The following SLC5A10 variants were observed in gnomAD, a reference collection of about 807,000 sequenced individuals.
SLC5A10 encodes the protein solute carrier family 5 member 10.
In SLC5A10, 55 loss-of-function variants were observed where a neutral mutation model predicts 68.9. The ratio of observed to expected loss-of-function variants is 0.80; its 90% CI spans 0.64 to 1.00. The LOEUF (loss-of-function observed/expected upper bound fraction) is 1.00, where lower values mean the gene tolerates loss of function less well. Ranked by LOEUF, SLC5A10 falls within the 50% of genes least tolerant of loss-of-function variation. The pLI, the probability that SLC5A10 is intolerant of heterozygous loss-of-function variation, is 0.00. For missense variants in SLC5A10, 732 were observed against 819.3 expected, an observed-to-expected ratio of 0.89 and a Z score of 1.30; for synonymous variants, 344 against 344.8, an observed-to-expected ratio of 1.00 and a Z score of 0.02.
At chr17:18,963,219 G>C (rs1262423324) in intron 5 of SLC5A10, among the ~76,000 whole-genome samples, 1 of 152,154 alleles carries the variant, frequency 6.6e-6, no homozygotes, top group Non-Finnish European at 1.5e-5. Context: ...GAAGTGGGAG[G>C]ACCTTAGAAA....
Position 19,019,732 on chromosome 17 carries a change from T to C in SLC5A10, c.1430T>C (p.Ile477Thr), listed in dbSNP as rs2044221280. 2 of 1,611,618 alleles carry C rather than the reference T, an allele frequency of 1.2e-6. No individual in the cohort carries two copies. Among genetic ancestry groups the C allele is most frequent in the Admixed American group, 1.7e-5 (1 of 59,932 alleles). Residue 477 changes from isoleucine (I) to threonine (T), a missense_variant, in exon 13 of 15, where the codon ATA (isoleucine) becomes ACA (threonine). Physicochemically the swap from Ile to Thr is moderately conservative, Grantham distance 89 (BLOSUM62 -1). Transcript: ENST00000395645. ...CCCCAGGGGGCCTTCTGGGGCCTGA[T>C]AGCAGGGCTGGTGGTGGGGGCCACG... ...ANEQGAFWGLIAGLVVGATRL... is the reference protein window; with the variant it reads ...ANEQGAFWGLTAGLVVGATRL...
In SLC5A10 at chr17:18,971,428, G is replaced by T. The variant is rs372035924; in HGVS notation, c.846+210G>T. 115 of 1,613,656 alleles carry T rather than the reference G, an allele frequency of 7.1e-5. No homozygotes were observed. The East Asian group carries it at 8.2e-4, about 12-fold the overall frequency. On this transcript the variant is annotated intron_variant, in intron 8 of 14. Transcript: ENST00000395645. This position sits in a 1 kb window ranked among gnomAD's most constrained non-coding sequence, Gnocchi z 5.5. Reference sequence around the variant, plus strand: ...AATCCGATGAGGCCCACTGGCTACCGCCCGTCCTGGCCTTTAGGTGCTTCG... The same window carrying T: ...AATCCGATGAGGCCCACTGGCTACCTCCCGTCCTGGCCTTTAGGTGCTTCG...
intron 9 of SLC5A10, among the ~76,000 whole-genome samples, chr17:19,008,734 C>G (rs1239401253): frequency 6.6e-6 from 1 of 152,048 alleles, no homozygotes; most frequent in South Asian, 2.1e-4. Flanking sequence ...CTCCTGACCT[C>G]GTGATCTGCC....
chr17:18,969,586 T>C lies in SLC5A10; in HGVS notation c.640+164T>C, dbSNP rs550814663. The stretch of plus-strand genomic sequence containing the variant: ...TGAGCCACTAGGCAGTCAGCCCCCC[T>C]GCTGGCCCCTCAGGGACTGCCCTGG... On this transcript the variant is annotated intron_variant, in intron 7 of 14. Transcript: ENST00000395645. 8.1e-6 allele frequency: 5 copies of C among 614,184 alleles called. No individual in the cohort carries two copies. In the Admixed American group the frequency reaches 1.5e-4, roughly 18 times the overall value. 38.0% of individuals were successfully genotyped at this position (614,184 alleles called of 1,614,324 possible). A position where few individuals can be genotyped will look rare whatever the true frequency, so the allele number is the denominator to read the frequency against.
In SLC5A10 at chr17:18,971,972, GC is replaced by G. The variant is rs1308977813; in HGVS notation, c.846+755del. Among the ~76,000 whole-genome samples, 2 of 152,200 alleles carry G rather than the reference GC, an allele frequency of 1.3e-5. No homozygotes were observed. The highest frequency in any genetic ancestry group is 2.4e-5 in the African/African-American group (1 of 41,452). On this transcript the variant is annotated intron_variant, in intron 8 of 14. Coordinates refer to ENST00000395645, the MANE Select transcript of SLC5A10 (RefSeq NM_001042450.4). This position sits in a 1 kb window ranked among gnomAD's most constrained non-coding sequence, Gnocchi z 5.5. ...TGCCCTTTGTGGGTGTAGCAAGGCAGCTTCCTCCCAGCTCACCCCCGCAGCC... is the reference window on the plus strand; with the variant it reads ...TGCCCTTTGTGGGTGTAGCAAGGCAGTTCCTCCCAGCTCACCCCCGCAGCC...
At chr17:18,951,933 C>G (rs1206497606), upstream of SLC5A10, 1 of 445,968 alleles carries the variant, frequency 2.2e-6, no homozygotes, top group East Asian at 4.3e-5. Flanking sequence ...CCCAAGCCCC[C>G]TCCGAGTTCA....
chr17:18,969,752 G>T (rs146714152), intron 7 of SLC5A10: 82 of 299,808 alleles, frequency 2.7e-4, no homozygotes, highest in African/African-American at 1.7e-3. Flanking sequence ...GGGTGTGAAG[G>T]CACACAACCA....
chr17:18,981,386 C>A (rs575938170), intron 9 of SLC5A10, among the ~76,000 whole-genome samples: 2 of 152,156 alleles, frequency 1.3e-5, no homozygotes, highest in African/African-American at 4.8e-5. Context: ...GACCCTGCAC[C>A]GGCTTAAGAG....
intron 9 of SLC5A10, among the ~76,000 whole-genome samples, chr17:18,998,927 G>A (rs1019219827): frequency 6.6e-6 from 1 of 152,194 alleles, no homozygotes; most frequent in Non-Finnish European, 1.5e-5. Flanking sequence ...GTTCTTGTGA[G>A]TCCCCGTCCC....
At chr17:19,010,869 C>T (rs1302825501) in intron 9 of SLC5A10, among the ~76,000 whole-genome samples, 2 of 152,152 alleles carry the variant, frequency 1.3e-5, no homozygotes, top group Non-Finnish European at 2.9e-5. Context: ...CTTTCTGGTC[C>T]TGAAAAACTA....
intron 9 of SLC5A10, among the ~76,000 whole-genome samples, chr17:18,998,425 G>C (rs1235575845): frequency 6.6e-6 from 1 of 152,232 alleles, no homozygotes; most frequent in African/African-American, 2.4e-5. Context: ...CTCCAGCCAG[G>C]GAGACCCAAT....
rs555759223 is a variant in SLC5A10 at position 18,958,498 on chromosome 17, G to A, written c.112-184G>A. Reference sequence around the variant, plus strand: ...ATGAATAATGCTGCTATGAACATTCGTGTACAAGTTTCTGAGTGGATGTGT... The same window carrying A: ...ATGAATAATGCTGCTATGAACATTCATGTACAAGTTTCTGAGTGGATGTGT... On this transcript the variant is annotated intron_variant, in intron 1 of 14. Transcript: ENST00000395645. Among the ~76,000 whole-genome samples, 20 of 152,272 alleles carry A rather than the reference G, an allele frequency of 1.3e-4. No homozygotes were observed. In the East Asian group the frequency reaches 2.9e-3, roughly 22 times the overall value.
intron 9 of SLC5A10, among the ~76,000 whole-genome samples, chr17:18,993,370 T>C (rs2043479683): frequency 6.6e-6 from 1 of 152,212 alleles, no homozygotes; most frequent in African/African-American, 2.4e-5. Context: ...CGTGTATCAC[T>C]TGCGTATTTC....
Position 18,958,717 on chromosome 17 carries a change from C to A in SLC5A10, c.147C>A (p.Gly49=). ...SCRASRNTVN[G]YFLAGRDMTW... is the part of the protein sequence containing the mutation. ...GGGCCAGTAGGAACACGGTGAATGGCTACTTCCTGGCAGGCCGGGACATGA... is the reference window on the plus strand; with the variant it reads ...GGGCCAGTAGGAACACGGTGAATGGATACTTCCTGGCAGGCCGGGACATGA... Residue 49 remains glycine (G), a synonymous_variant, in exon 2 of 15, where the codon GGC becomes GGA. Coordinates refer to ENST00000395645, the MANE Select transcript of SLC5A10 (RefSeq NM_001042450.4). 6.2e-7 allele frequency: 1 copy of A among 1,614,236 alleles called. No individual in the cohort carries two copies. Among genetic ancestry groups the A allele is most frequent in the Non-Finnish European group, 8.5e-7 (1 of 1,180,046 alleles).
At chr17:19,015,386 A>G (rs2044118990) in intron 11 of SLC5A10, among the ~76,000 whole-genome samples, 187 bp downstream of exon 11, 1 of 152,120 alleles carries the variant, frequency 6.6e-6, no homozygotes, top group Admixed American at 6.5e-5. Flanking sequence ...CCTCTGTGTG[A>G]TCACAGCCCT....
At chr17:18,990,758 C>T (rs2043399690) in intron 9 of SLC5A10, among the ~76,000 whole-genome samples, 1 of 152,000 alleles carries the variant, frequency 6.6e-6, no homozygotes, top group Admixed American at 6.5e-5. Flanking sequence ...GGGTTTGTAA[C>T]AGGCACGAGC....
At position 18,971,275 on chromosome 17, in the gene SLC5A10, T is replaced by A; in HGVS notation, c.846+57T>A. ...TTCCTGCCGTCCCAGTGGGCTCTGG[T>A]AGGCCCAGGCGGCCTGTCTGCCCTC... On this transcript the variant is annotated intron_variant, in intron 8 of 14. Transcript: ENST00000395645. This position sits in a 1 kb window ranked among gnomAD's most constrained non-coding sequence, Gnocchi z 5.5. 1 of 1,610,840 alleles carries A rather than the reference T, an allele frequency of 6.2e-7. No individual in the cohort carries two copies. Among genetic ancestry groups the A allele is most frequent in the South Asian group, 1.1e-5 (1 of 91,016 alleles).
intron 1 of SLC5A10, 33 bp downstream of exon 1, chr17:18,952,349 G>T (rs566708747): frequency 1.3e-6 from 2 of 1,592,216 alleles, no homozygotes; most frequent in East Asian, 2.3e-5. Flanking sequence ...TGGCCAAGTG[G>T]GCTCTCAGGG....
At position 19,013,495 on chromosome 17, in the gene SLC5A10, G is replaced by C. The variant is rs1397781800; in HGVS notation, c.1068G>C (p.Leu356=). 2 of 1,534,514 alleles carry C rather than the reference G, an allele frequency of 1.3e-6. No homozygotes were observed. The highest frequency in any genetic ancestry group is 3.7e-5 in the African/African-American group (2 of 53,746). ...VGCSNIAYPK[L]VMELMPIGLR... is the part of the protein sequence containing the mutation. ...GCTCCAACATCGCCTACCCCAAGCT[G>C]GTCATGGAACTGATGCCCATCGGTG... The change falls in exon 10 of 15, where the codon CTG becomes CTC. Residue 356 remains leucine, a synonymous_variant. Transcript: ENST00000395645.
Sources: allele counts gnomAD v4.1 joint callset (sites outside exome capture counted in the v4.1 genomes callset), GRCh38; gene constraint gnomAD v4.1.1; non-coding constraint Gnocchi (gnomAD v3.1); transcripts MANE v1.5; gene names NCBI Gene and HGNC (gene_info 2026-07-23, HGNC 2026-07-21).